The following PTPRE variants were observed in gnomAD, a reference collection of about 807,000 sequenced individuals.
PTPRE encodes receptor-type tyrosine-protein phosphatase epsilon.
PTPRE carries 51 observed loss-of-function variants against 102.0 expected under a neutral mutation model. The observed-to-expected ratio is 0.50, with a 90% confidence interval of 0.40 to 0.63. The LOEUF (loss-of-function observed/expected upper bound fraction) is 0.63, where lower values mean the gene tolerates loss of function less well. Ranked by LOEUF, PTPRE falls within the 30% of genes least tolerant of loss-of-function variation. The probability of loss-of-function intolerance (pLI) is 0.00; values close to 1 mark genes in which losing one functional copy is unlikely to be tolerated. For synonymous variants in PTPRE, 345 were observed against 348.2 expected, an observed-to-expected ratio of 0.99 and a Z score of 0.10; for missense variants, 752 against 915.1, an observed-to-expected ratio of 0.82 and a Z score of 2.30.
intron 1 of PTPRE, among the ~76,000 whole-genome samples, chr10:127,947,020 C>CAAAAAA (rs59527787): frequency 8.7e-4 from 72 of 82,494 alleles, no homozygotes; most frequent in Middle Eastern, 6.9e-3. Flanking sequence ...GACCCTGTCT[C>CAAAAAA]AAAAAAAAAA....
intron 1 of PTPRE, among the ~76,000 whole-genome samples, chr10:127,908,929 C>T (rs994605793): frequency 1.3e-5 from 2 of 152,222 alleles, no homozygotes; most frequent in African/African-American, 2.4e-5. Context: ...GTCACACACT[C>T]CCTCATCAGT....
intron 1 of PTPRE, among the ~76,000 whole-genome samples, chr10:127,978,133 G>A (rs1414827242): frequency 2.6e-5 from 4 of 152,240 alleles, no homozygotes; most frequent in South Asian, 2.1e-4. Flanking sequence ...TATCATTATT[G>A]CCATCTGCAG....
rs1387513521 is a variant in PTPRE, at chr10:128,045,567, G to A, written c.110-1823G>A. ...CCCAAGCTTTCTGGCTGAGTCTGGA[G>A]TGTGAGCAGCAGCCAGGCCCTCCGT... is the stretch of plus-strand genomic sequence containing the variant. On this transcript the variant is annotated intron_variant, in intron 3 of 20. Coordinates refer to ENST00000254667, the MANE Select transcript of PTPRE (RefSeq NM_006504.6). 3.3e-5 allele frequency among the ~76,000 whole-genome samples: 5 copies of A among 152,216 alleles called. 1 individual carries two copies. The East Asian group carries it at 7.7e-4, about 24-fold the overall frequency.
intron 2 of PTPRE, among the ~76,000 whole-genome samples, chr10:127,993,800 T>C (rs1564859297): frequency 2.0e-5 from 3 of 151,602 alleles, no homozygotes; most frequent in Non-Finnish European, 2.9e-5. Flanking sequence ...TGTGTGTGTG[T>C]GACCTTCTAT....
chr10:127,995,801 T>C (rs1488853414), intron 2 of PTPRE, among the ~76,000 whole-genome samples: 2 of 149,818 alleles, frequency 1.3e-5, no homozygotes, highest in Non-Finnish European at 2.9e-5. Context: ...ATTCTGTCCA[T>C]GTTTATACCA....
chr10:128,021,672 C>G (rs1031704861), intron 2 of PTPRE, among the ~76,000 whole-genome samples: 3 of 152,254 alleles, frequency 2.0e-5, no homozygotes, highest in African/African-American at 7.2e-5. Flanking sequence ...CTGTTCTTCT[C>G]ACCAGTCAGT....
At chr10:127,984,132 C>T (rs7070727) in intron 2 of PTPRE, among the ~76,000 whole-genome samples, 1 of 146,336 alleles carries the variant, frequency 6.8e-6, no homozygotes, top group Non-Finnish European at 1.5e-5. Flanking sequence ...CCCAGGCTGA[C>T]GTGTGATGGC....
chr10:127,938,588 T>A lies in PTPRE; in HGVS notation c.-31+31279T>A, dbSNP rs546645285. 9.9e-4 allele frequency among the ~76,000 whole-genome samples: 151 copies of A among 152,256 alleles called. 2 individuals are homozygous for A. The highest frequency in any genetic ancestry group is 2.9e-3 in the African/African-American group (121 of 41,548). On this transcript the variant is annotated intron_variant, in intron 1 of 20. Transcript: ENST00000254667. ...AGAATAAACAAAAATTGACTTTTTT[T>A]AAAAAATAAGTTTGTATTTTCTTCA...
chr10:128,030,633 G>A (rs1435250115), intron 2 of PTPRE, among the ~76,000 whole-genome samples: 1 of 152,194 alleles, frequency 6.6e-6, no homozygotes, highest in Non-Finnish European at 1.5e-5. Flanking sequence ...CCAGGGTAGA[G>A]ACCTGCATGA....
At chr10:128,069,665 A>G in intron 12 of PTPRE, 27 bp from the exon 13 acceptor site, 23 of 1,613,220 alleles carry the variant, frequency 1.4e-5, no homozygotes, top group Non-Finnish European at 1.9e-5. Context: ...GTGACTCACG[A>G]CGCAGCATCT....
At chr10:127,972,471 T>C (rs1490769505) in intron 1 of PTPRE, among the ~76,000 whole-genome samples, 1 of 152,206 alleles carries the variant, frequency 6.6e-6, no homozygotes, top group African/African-American at 2.4e-5. Flanking sequence ...TTTGTCCTCA[T>C]AAATGTGATT....
chr10:128,077,232 C>G (rs1316021151), intron 18 of PTPRE, among the ~76,000 whole-genome samples: 2 of 152,212 alleles, frequency 1.3e-5, no homozygotes, highest in African/African-American at 4.8e-5. Context: ...AGCCACAGAG[C>G]CACCCTGGCC....
At chr10:128,010,547 T>TTTTCTTTTCTTTTC (rs1187787771) in intron 2 of PTPRE, among the ~76,000 whole-genome samples, 21 of 127,548 alleles carry the variant, frequency 1.6e-4, no homozygotes, top group Non-Finnish European at 3.0e-4. Context: ...ACCCTGTTCC[T>TTTTCTTTTCTTTTC]TTTCTTTTCT....
At chr10:127,999,967 T>C in intron 2 of PTPRE, 1 of 985,340 alleles carries the variant, frequency 1.0e-6, no homozygotes, top group Non-Finnish European at 1.2e-6. Context: ...GCTCTGTAAG[T>C]ATCCATGGAT....
intron 1 of PTPRE, among the ~76,000 whole-genome samples, chr10:127,948,219 C>G (rs544842066): frequency 6.6e-6 from 1 of 152,078 alleles, no homozygotes; most frequent in African/African-American, 2.4e-5. Context: ...ACCATCACCC[C>G]CTCCTTTTTT....
chr10:128,018,005 G>A (rs1398006982), intron 2 of PTPRE, among the ~76,000 whole-genome samples: 3 of 152,216 alleles, frequency 2.0e-5, no homozygotes, highest in Non-Finnish European at 4.4e-5. Flanking sequence ...CAGGGGCTGT[G>A]ACACAGGAGG....
intron 19 of PTPRE, 89 bp downstream of exon 19, chr10:128,077,872 G>C: frequency 7.0e-7 from 1 of 1,424,888 alleles, no homozygotes; most frequent in Non-Finnish European, 9.4e-7. Flanking sequence ...GAGCCTGGTC[G>C]CTGCCCCTGG....
intron 2 of PTPRE, among the ~76,000 whole-genome samples, chr10:127,987,065 A>G (rs1852152301): frequency 6.6e-6 from 1 of 152,192 alleles, no homozygotes; most frequent in South Asian, 2.1e-4. Context: ...TGGATCTGAC[A>G]TGACAAACAG....
intron 2 of PTPRE, among the ~76,000 whole-genome samples, chr10:128,023,505 A>G (rs1006809184): frequency 2.0e-5 from 3 of 152,232 alleles, no homozygotes; most frequent in East Asian, 3.8e-4. Context: ...CCATGACAGC[A>G]TATTGTTAGA....
Sources: gnomAD v4.1 joint callset for allele counts (sites outside exome capture counted in the v4.1 genomes callset) on GRCh38, gnomAD v4.1.1 for gene constraint, MANE v1.5 for transcripts, NCBI Gene and HGNC (gene_info 2026-07-23, HGNC 2026-07-21) for gene names.